ZDHHC11: variants seen among roughly 807,000 people sequenced by gnomAD.
ZDHHC11 encodes zDHHC palmitoyltransferase 11.
A neutral mutation model predicts 51.3 loss-of-function variants in ZDHHC11; 44 were observed. That is an observed-to-expected ratio of 0.86 (90% CI 0.67 to 1.10). The LOEUF (loss-of-function observed/expected upper bound fraction) is 1.10, where lower values mean the gene tolerates loss of function less well. Among genes scored for constraint, ZDHHC11 ranks in the 50% least tolerant of loss-of-function variants. The pLI is 0.00. For missense variants in ZDHHC11, 400 were observed against 537.7 expected (o/e 0.74, Z 2.53); for synonymous variants, 163 against 222.0 (o/e 0.73, Z 2.36).
chr5:837,462 G>A lies in ZDHHC11; in HGVS notation c.803C>T (p.Thr268Ile), dbSNP rs1206376262. 17 of 1,609,544 alleles carry A rather than the reference G, an allele frequency of 1.1e-5. No individual in the cohort carries two copies. In the South Asian group the frequency reaches 1.5e-4, roughly 15 times the overall value. The part of the protein sequence containing the change: ...HIYLKAKKMT[T>I]FEYLINNRKE... ...GCGGTTATTAATGAGATACTCAAAG[G>A]TGGTCATCTTCTTGGCCTCTGGAAA... The change falls in exon 6 of 13, where the codon ACC (threonine) becomes ATC (isoleucine). Residue 268 changes from threonine to isoleucine, a missense_variant. Transcript: ENST00000283441.
intron 10 of ZDHHC11, 108 bp downstream of exon 10, chr5:819,417 G>C (rs779112603): frequency 2.5e-6 from 3 of 1,200,764 alleles, no homozygotes; most frequent in Admixed American, 1.8e-5. Flanking sequence ...CTTGGACACA[G>C]AGTGCTTCCC....
In ZDHHC11 at chr5:813,534, G is replaced by A. The variant is rs368542769; in HGVS notation, c.1181+1227C>T. On this transcript the variant is annotated intron_variant, in intron 11 of 12. Coordinates refer to ENST00000283441, the MANE Select transcript of ZDHHC11 (RefSeq NM_024786.3). The stretch of plus-strand genomic sequence containing the variant: ...TGTGGGTGCTCCTTCTTCCCAGCAC[G>A]AGCAGCCTCCCTCACACACCCTCCC... 6.8e-3 allele frequency among the ~76,000 whole-genome samples: 969 copies of A among 143,456 alleles called. 43 individuals carry two copies. Among genetic ancestry groups the A allele is most frequent in the South Asian group, 0.012 (54 of 4,562 alleles). 94.1% of individuals were successfully genotyped at this position (143,456 alleles called of 152,430 possible).
chr5:857,007 C>T (rs1748356340), intron 1 of ZDHHC11, among the ~76,000 whole-genome samples: 1 of 151,708 alleles, frequency 6.6e-6, no homozygotes, highest in Non-Finnish European at 1.5e-5. Context: ...ACATACCGCA[C>T]ACATACAACC....
At chr5:800,900 TCA>T (rs1345103491) in intron 12 of ZDHHC11, among the ~76,000 whole-genome samples, 198 bp downstream of exon 12, 1 of 151,386 alleles carries the variant, frequency 6.6e-6, no homozygotes, top group African/African-American at 2.4e-5. Flanking sequence ...ATTGATACTC[TCA>T]CAGCTCGGCT....
upstream of ZDHHC11, among the ~76,000 whole-genome samples, chr5:853,691 G>A (rs1747672149): frequency 2.0e-5 from 3 of 151,176 alleles, no homozygotes; most frequent in South Asian, 6.3e-4. Flanking sequence ...ACCCCATGTA[G>A]GACAGTGAGC....
intron 11 of ZDHHC11, among the ~76,000 whole-genome samples, chr5:809,020 CTATT>C (rs369474541): frequency 0.025 from 3,549 of 141,916 alleles, 180 homozygotes; most frequent in African/African-American, 0.08. Context: ...CACACGCACA[CTATT>C]TATTCCCCAC....
chr5:815,860 T>C (rs1345005478), intron 10 of ZDHHC11, among the ~76,000 whole-genome samples: 1 of 151,570 alleles, frequency 6.6e-6, no homozygotes, highest in Non-Finnish European at 1.5e-5. Flanking sequence ...TCTGCCTCCT[T>C]GGACTCCCAA....
At chr5:801,940 G>T (rs758971930) in intron 11 of ZDHHC11, among the ~76,000 whole-genome samples, 1 of 151,474 alleles carries the variant, frequency 6.6e-6, no homozygotes, top group South Asian at 2.1e-4. Flanking sequence ...ATCCATAAAT[G>T]AGTAAGGACA....
chr5:815,859 T>A (rs955508733), intron 10 of ZDHHC11, among the ~76,000 whole-genome samples: 3 of 151,562 alleles, frequency 2.0e-5, no homozygotes, highest in African/African-American at 4.8e-5. Context: ...TTCTGCCTCC[T>A]TGGACTCCCA....
At chr5:842,098 C>G (rs1391643240) in intron 4 of ZDHHC11, 5 of 986,514 alleles carry the variant, frequency 5.1e-6, no homozygotes, top group Admixed American at 6.1e-5. Flanking sequence ...TCATCTGGAA[C>G]AGCAAACCCA....
chr5:817,525 C>A lies in ZDHHC11; in HGVS notation c.1146+2000G>T, dbSNP rs1453152427. ...ACATAGCTTTTTAATTTGTTTGAAACAGACCTTCTGCCTGTTACGTTTTGT... is the reference window on the plus strand; with the variant it reads ...ACATAGCTTTTTAATTTGTTTGAAAAAGACCTTCTGCCTGTTACGTTTTGT... On this transcript the variant is annotated intron_variant, in intron 10 of 12. Transcript: ENST00000283441. Among the ~76,000 whole-genome samples, 4 of 151,492 alleles carry A rather than the reference C, an allele frequency of 2.6e-5. No homozygotes were observed. In the East Asian group the frequency reaches 7.7e-4, roughly 29 times the overall value.
rs115831731 is a variant in ZDHHC11 at position 824,274 on chromosome 5, T to G, written c.1023+890A>C. Among the ~76,000 whole-genome samples, 894 of 150,570 alleles carry G rather than the reference T, an allele frequency of 5.9e-3. 29 individuals carry two copies. The highest frequency in any genetic ancestry group is 9.9e-3 in the Non-Finnish European group (669 of 67,552). ...AGAAGTTCCAAACAAGCCTGGACAA[T>G]AGAGTGAGATCCCATCTCTTAAGAA... On this transcript the variant is annotated intron_variant, in intron 8 of 12. Coordinates refer to ENST00000283441, the MANE Select transcript of ZDHHC11 (RefSeq NM_024786.3).
intron 1 of ZDHHC11, among the ~76,000 whole-genome samples, 156 bp from the exon 2 acceptor site, chr5:848,816 TC>T (rs1319991609): frequency 2.0e-5 from 3 of 150,150 alleles, no homozygotes; most frequent in African/African-American, 7.4e-5. Context: ...CTGGCCCTGC[TC>T]ACACAGCCCT....
chr5:840,780 G>C, intron 4 of ZDHHC11, 130 bp from the exon 5 acceptor site: 1 of 1,543,708 alleles, frequency 6.5e-7, no homozygotes, highest in East Asian at 2.2e-5. Flanking sequence ...ATGTCTCCCT[G>C]CCCAGGTGGA....
chr5:807,433 T>C (rs1739431514), intron 11 of ZDHHC11, among the ~76,000 whole-genome samples: 1 of 151,496 alleles, frequency 6.6e-6, no homozygotes. Flanking sequence ...ACAAAGATGA[T>C]GTCAGACTCT....
upstream of ZDHHC11, among the ~76,000 whole-genome samples, chr5:854,409 C>CG (rs1289821366): frequency 6.9e-6 from 1 of 144,640 alleles, no homozygotes; most frequent in South Asian, 2.3e-4. Context: ...GACAGTGAGC[C>CG]GGGGGGCACA....
chr5:815,888 C>T (rs1579597713), intron 10 of ZDHHC11, among the ~76,000 whole-genome samples: 1 of 151,586 alleles, frequency 6.6e-6, no homozygotes, highest in Non-Finnish European at 1.5e-5. Context: ...GGATTTCAGG[C>T]ATGAGCCACT....
In ZDHHC11 at chr5:821,770, A is replaced by C. The variant is rs1212386368; in HGVS notation, c.1058+91T>G. 28 of 1,297,218 alleles carry C rather than the reference A, an allele frequency of 2.2e-5. 1 individual carries two copies. The highest frequency in any genetic ancestry group is 3.7e-4 in the Middle Eastern group (2 of 5,370). The allele number at this position is 1,297,218 out of a possible 1,614,324, so 80.4% of individuals were successfully genotyped here. On this transcript the variant is annotated intron_variant, in intron 9 of 12. Coordinates refer to ENST00000283441, the MANE Select transcript of ZDHHC11 (RefSeq NM_024786.3). Reference sequence around the variant, plus strand: ...CAGGATATTTGAAGACATTAAATGGATGACATATTTTCCTAAGTAATTCGA... The same window carrying C: ...CAGGATATTTGAAGACATTAAATGGCTGACATATTTTCCTAAGTAATTCGA...
At position 815,322 on chromosome 5, in the gene ZDHHC11, G is replaced by C. The variant is rs899500138; in HGVS notation, c.1147-527C>G. 1.6e-4 allele frequency among the ~76,000 whole-genome samples: 24 copies of C among 150,182 alleles called. 1 individual carries two copies. The highest frequency in any genetic ancestry group is 5.9e-4 in the African/African-American group (24 of 40,798). Reference sequence around the variant, plus strand: ...TTCTTGTTCCAACACCCCATGTGTGGTTCCTGCTTGTGGAAGCTCTAGCAA... The same window carrying C: ...TTCTTGTTCCAACACCCCATGTGTGCTTCCTGCTTGTGGAAGCTCTAGCAA... On this transcript the variant is annotated intron_variant, in intron 10 of 12. Coordinates refer to ENST00000283441, the MANE Select transcript of ZDHHC11 (RefSeq NM_024786.3).
Sources: gnomAD v4.1 joint callset for allele counts (sites outside exome capture counted in the v4.1 genomes callset) on GRCh38, gnomAD v4.1.1 for gene constraint, MANE v1.5 for transcripts, NCBI Gene and HGNC (gene_info 2026-07-23, HGNC 2026-07-21) for gene names.